Variants in NBEAL1 observed in about 807,000 individuals in gnomAD.
NBEAL1 encodes the protein neurobeachin like 1.
Under a neutral mutation model 351.3 loss-of-function variants are expected in NBEAL1, and 273 were observed. The observed-to-expected ratio is 0.78, with a 90% CI of 0.70 to 0.86. The LOEUF (loss-of-function observed/expected upper bound fraction) is 0.86. NBEAL1 is among the 40% of genes least tolerant of loss of function. NBEAL1 has a pLI of 0.00. For missense variants in NBEAL1, 2,961 were observed against 3,201.3 expected (o/e 0.92, Z 1.81); for synonymous variants, 1,050 against 1,086.4 (o/e 0.97, Z 0.66).
chr2:203,052,732 T>G (rs964317586), intron 4 of NBEAL1, among the ~76,000 whole-genome samples: 8 of 149,628 alleles, frequency 5.3e-5, no homozygotes, highest in Admixed American at 3.3e-4. Context: ...ATTTATTTAT[T>G]TATTTATTTA....
intron 7 of NBEAL1, among the ~76,000 whole-genome samples, chr2:203,076,548 C>G (rs1165116751): frequency 7.3e-6 from 1 of 136,724 alleles, no homozygotes; most frequent in Non-Finnish European, 1.6e-5. Flanking sequence ...AGTTAAAAAG[C>G]AAAAAAAGTA....
In NBEAL1 at chr2:203,193,922, A is replaced by G; in HGVS notation, c.7038+11A>G. The G allele has an allele frequency of 7.0e-7, 1 of 1,425,894 alleles. No individual in the cohort carries two copies. Among genetic ancestry groups the G allele is most frequent in the Non-Finnish European group, 9.8e-7 (1 of 1,021,656 alleles). 88.3% of individuals were successfully genotyped at this position (1,425,894 alleles called of 1,614,324 possible). ...TCATTTTTTATAGAGGTAATATCCT[A>G]CTTGGTAATATCAAAAAGAGTTTTC... On this transcript the variant is annotated intron_variant, in intron 47 of 55. Coordinates refer to ENST00000683969, the MANE Select transcript of NBEAL1 (RefSeq NM_001378026.1).
chr2:203,068,610 T>G, intron 7 of NBEAL1, 135 bp downstream of exon 7: 1 of 470,650 alleles, frequency 2.1e-6, no homozygotes, highest in Non-Finnish European at 3.7e-6. Flanking sequence ...GTCACTGGAG[T>G]AAGCTACATG....
At chr2:203,073,348 G>A (rs1031307568) in intron 7 of NBEAL1, among the ~76,000 whole-genome samples, 1 of 152,130 alleles carries the variant, frequency 6.6e-6, no homozygotes, top group Non-Finnish European at 1.5e-5. Context: ...GAATTTATTG[G>A]CATAAAGTTG....
chr2:203,206,188 A>C (rs1371201199), intron 51 of NBEAL1, among the ~76,000 whole-genome samples: 1 of 152,256 alleles, frequency 6.6e-6, no homozygotes, highest in Non-Finnish European at 1.5e-5. Flanking sequence ...TAGCATTATA[A>C]GAAGAAAACG....
rs114797275 is a variant in NBEAL1, at chr2:203,018,130, T to G, written c.51+1695T>G. Among the ~76,000 whole-genome samples the G allele has an allele frequency of 2.3e-3, 348 of 152,256 alleles. 1 individual carries two copies. Among genetic ancestry groups the G allele is most frequent in the African/African-American group, 8.0e-3 (333 of 41,566 alleles). On this transcript the variant is annotated intron_variant, in intron 2 of 55. Transcript: ENST00000683969. ...AGCTACCAAATATACCTCATAGATT[T>G]AAGTCTTCTTTCTAATGAGGATGAC...
chr2:203,023,456 C>T (rs1184099501), intron 2 of NBEAL1, among the ~76,000 whole-genome samples: 1 of 152,156 alleles, frequency 6.6e-6, no homozygotes, highest in African/African-American at 2.4e-5. Context: ...AAATGAAAAA[C>T]GTTGTTAAGA....
At chr2:203,131,760 G>C (rs928739797) in intron 25 of NBEAL1, among the ~76,000 whole-genome samples, 4 of 152,022 alleles carry the variant, frequency 2.6e-5, no homozygotes, top group African/African-American at 7.2e-5. Flanking sequence ...CAAAAACAAA[G>C]TATAGCCATG....
At chr2:203,152,766 G>T (rs2063691042) in intron 35 of NBEAL1, among the ~76,000 whole-genome samples, 1 of 152,112 alleles carries the variant, frequency 6.6e-6, no homozygotes, top group Non-Finnish European at 1.5e-5. Context: ...GCCCGGCACA[G>T]TGGCTCATGC....
rs577558580 is a variant in NBEAL1 at position 203,222,060 on chromosome 2, C to T, written c.*4706C>T. On this transcript the variant is annotated 3_prime_UTR_variant, in exon 56 of 56. Transcript: ENST00000683969. The stretch of plus-strand genomic sequence containing the variant: ...AAAATTAGCCTTGTGTGCTGGCAAG[C>T]GCCTGTAGTCCTAGCTGCTCGGGAG... Among the ~76,000 whole-genome samples, 14 of 152,146 alleles carry T rather than the reference C, an allele frequency of 9.2e-5. No homozygotes were observed. The highest frequency in any genetic ancestry group is 1.4e-4 in the African/African-American group (6 of 41,434).
chr2:203,128,601 C>CTTTTTTTTTTTTTTTTTTTT, intron 24 of NBEAL1, among the ~76,000 whole-genome samples: 1 of 139,350 alleles, frequency 7.2e-6, no homozygotes, highest in Non-Finnish European at 1.5e-5. Flanking sequence ...AGATTTCTTT[C>CTTTTTTTTTTTTTTTTTTTT]TTTTTTTTTT....
At chr2:203,125,608 A>C in intron 20 of NBEAL1, 88 bp downstream of exon 20, 1 of 1,182,762 alleles carries the variant, frequency 8.5e-7, no homozygotes, top group East Asian at 3.0e-5. Flanking sequence ...TGTCATTAGG[A>C]AGAAACTTAA....
chr2:203,069,599 C>G (rs1234437056), intron 7 of NBEAL1, among the ~76,000 whole-genome samples: 1 of 152,150 alleles, frequency 6.6e-6, no homozygotes, highest in Non-Finnish European at 1.5e-5. Flanking sequence ...AGGTTGTGCG[C>G]ATATTTTGTT....
intron 4 of NBEAL1, among the ~76,000 whole-genome samples, chr2:203,053,686 T>C (rs2061359985): frequency 6.6e-6 from 1 of 151,984 alleles, no homozygotes; most frequent in South Asian, 2.1e-4. Context: ...TGGCTGATTT[T>C]TTTTAATTTT....
At chr2:203,033,337 T>A (rs1009619574) in intron 2 of NBEAL1, among the ~76,000 whole-genome samples, 1 of 152,234 alleles carries the variant, frequency 6.6e-6, no homozygotes, top group South Asian at 2.1e-4. Context: ...CCCAAATTTA[T>A]TGTATGTATT....
At chr2:203,053,788 G>A (rs979938768) in intron 4 of NBEAL1, among the ~76,000 whole-genome samples, 5 of 151,816 alleles carry the variant, frequency 3.3e-5, no homozygotes, top group African/African-American at 9.7e-5. Flanking sequence ...AAAATATTGG[G>A]ATTACAGGCA....
At chr2:203,037,790 C>G (rs2061063467) in intron 2 of NBEAL1, among the ~76,000 whole-genome samples, 1 of 148,524 alleles carries the variant, frequency 6.7e-6, no homozygotes, top group Non-Finnish European at 1.5e-5. Context: ...GACCCTGTCT[C>G]TACAAAAAAT....
chr2:203,135,873 A>T lies in NBEAL1; in HGVS notation c.4010A>T (p.Asp1337Val), dbSNP rs900423516. ...MSTEDTKKNS[D>V]EKTDEEKITS... ...ACTGAAGATACCAAGAAGAACTCTG[A>T]TGAAAAAACAGATGAGGAAAAAATC... The change falls in exon 28 of 56, where the codon GAT becomes GTT. Residue 1337 changes from aspartate to valine, a missense_variant. Physicochemically the swap from Asp to Val is radical, Grantham distance 152. Transcript: ENST00000683969. 2.8e-5 allele frequency: 46 copies of T among 1,614,038 alleles called. No individual in the cohort carries two copies. Among genetic ancestry groups the T allele is most frequent in the Non-Finnish European group, 3.9e-5 (46 of 1,180,016 alleles).
At chr2:203,138,505 A>G in intron 30 of NBEAL1, 115 bp from the exon 31 acceptor site, 2 of 1,176,040 alleles carry the variant, frequency 1.7e-6, no homozygotes, top group Non-Finnish European at 2.4e-6. Context: ...TGTCAACTGA[A>G]CATTGGACTA....
Sources: gnomAD v4.1 joint callset for allele counts (sites outside exome capture counted in the v4.1 genomes callset) on GRCh38, gnomAD v4.1.1 for gene constraint, MANE v1.5 for transcripts, NCBI Gene and HGNC (gene_info 2026-07-23, HGNC 2026-07-21) for gene names.